Variants in EDARADD observed in about 807,000 individuals in gnomAD.
The protein encoded by EDARADD is EDAR associated via death domain, also known as ectodysplasin-A receptor-associated adapter protein.
A neutral mutation model predicts 25.6 loss-of-function variants in EDARADD; 20 were observed. That is an observed-to-expected ratio of 0.78 (90% CI 0.55 to 1.14). The LOEUF (loss-of-function observed/expected upper bound fraction) is 1.14. EDARADD is among the 50% of genes most tolerant of loss of function. EDARADD has a pLI of 0.00. For missense variants in EDARADD, 225 were observed against 270.1 expected (o/e 0.83, Z 1.17); for synonymous variants, 86 against 94.4 (o/e 0.91, Z 0.52).
intron 5 of EDARADD, among the ~76,000 whole-genome samples, chr1:236,469,929 C>T (rs678807): frequency 0.035 from 5,289 of 151,840 alleles, 219 homozygotes; most frequent in African/African-American, 0.1. Context: ...AGGCTGGTCT[C>T]GAACTCCTGA....
intron 3 of EDARADD, among the ~76,000 whole-genome samples, chr1:236,372,208 G>C (rs1349644168): frequency 6.6e-6 from 1 of 151,900 alleles, no homozygotes; most frequent in Non-Finnish European, 1.5e-5. Flanking sequence ...CACCAGCCTT[G>C]GCCTCCCAAA....
chr1:236,381,315 A>T (rs1307296285), intron 3 of EDARADD, among the ~76,000 whole-genome samples: 2 of 151,468 alleles, frequency 1.3e-5, no homozygotes, highest in Non-Finnish European at 2.9e-5. Context: ...TTTTATTTTT[A>T]TTTTATTTTA....
intron 5 of EDARADD, among the ~76,000 whole-genome samples, chr1:236,470,421 T>A (rs1336327962): frequency 1.3e-5 from 2 of 152,364 alleles, no homozygotes; most frequent in East Asian, 3.9e-4. Context: ...CACACTAATG[T>A]GGCACGTTAG....
rs144687140 is a variant in EDARADD, at chr1:236,394,466, C to G, written c.22C>G (p.Gln8Glu). Residue 8 changes from glutamine to glutamate, a missense_variant, in exon 1 of 6, where the codon CAG (glutamine) becomes GAG (glutamate). Transcript: ENST00000334232. MGLRTTKQMGRGTKAPGH... is the reference protein window; with the variant it reads MGLRTTKEMGRGTKAPGH... ...CGCCATGGGCCTCAGGACGACTAAA[C>G]AGATGGGGAGAGGCACTAAAGCTCC... The G allele has an allele frequency of 6.6e-5, 107 of 1,614,130 alleles. No individual in the cohort carries two copies. The African/African-American group carries it at 1.1e-3, about 16-fold the overall frequency.
intron 5 of EDARADD, among the ~76,000 whole-genome samples, chr1:236,480,130 T>TGTG (rs1659631390): frequency 7.7e-6 from 1 of 130,122 alleles, no homozygotes; most frequent in Admixed American, 7.8e-5. Flanking sequence ...TATATATATA[T>TGTG]ATATATCACA....
chr1:236,368,191 A>G (rs1181648907), intron 3 of EDARADD, among the ~76,000 whole-genome samples: 1 of 152,098 alleles, frequency 6.6e-6, no homozygotes, highest in Non-Finnish European at 1.5e-5. Context: ...TACCTCCAAA[A>G]AGTCATAAAA....
upstream of EDARADD, among the ~76,000 whole-genome samples, chr1:236,390,808 G>A (rs905941645): frequency 6.6e-6 from 1 of 152,006 alleles, no homozygotes. Flanking sequence ...TAGCTTCCTG[G>A]CTTCCTGTTG....
intron 5 of EDARADD, among the ~76,000 whole-genome samples, chr1:236,468,585 A>G (rs887506168): frequency 4.6e-5 from 7 of 152,152 alleles, no homozygotes; most frequent in Admixed American, 1.3e-4. Flanking sequence ...ACACCACTGC[A>G]CTCCAGCCTG....
chr1:236,476,945 T>G (rs1659524624), intron 5 of EDARADD, among the ~76,000 whole-genome samples: 1 of 151,404 alleles, frequency 6.6e-6, no homozygotes, highest in South Asian at 2.1e-4. Flanking sequence ...TGAGCCATAA[T>G]TGCAGCACTG....
intron 1 of EDARADD, among the ~76,000 whole-genome samples, chr1:236,406,631 G>A (rs547090983): frequency 1.3e-5 from 2 of 152,286 alleles, no homozygotes; most frequent in South Asian, 4.1e-4. Context: ...TAATCTTTAT[G>A]GGACCACCAT....
rs116344737 is a variant in EDARADD, at chr1:236,452,215, A to G, written c.220-16016A>G. 5.2e-3 allele frequency among the ~76,000 whole-genome samples: 789 copies of G among 152,250 alleles called. 7 individuals are homozygous for G. The highest frequency in any genetic ancestry group is 0.018 in the African/African-American group (748 of 41,544). On this transcript the variant is annotated intron_variant, in intron 4 of 5. Transcript: ENST00000334232. The stretch of plus-strand genomic sequence containing the variant: ...TTGACGCCCTCATCACTTGGCTTGG[A>G]TGGGGCAGAGAGCAGCCCTGTTTCT...
intron 1 of EDARADD, among the ~76,000 whole-genome samples, chr1:236,400,362 T>C (rs866664731): frequency 3.9e-5 from 6 of 152,122 alleles, no homozygotes; most frequent in Non-Finnish European, 8.8e-5. Context: ...TGTAGGGATG[T>C]ACTTCTGTGA....
intron 4 of EDARADD, among the ~76,000 whole-genome samples, chr1:236,465,073 C>T (rs1659151023): frequency 6.6e-6 from 1 of 152,176 alleles, no homozygotes. Flanking sequence ...CTGTTTTCCC[C>T]AGTGATCGCA....
At chr1:236,400,409 C>T (rs1667593534) in intron 1 of EDARADD, among the ~76,000 whole-genome samples, 4 of 152,194 alleles carry the variant, frequency 2.6e-5, no homozygotes, top group South Asian at 4.1e-4. Flanking sequence ...GCCCCTGCTG[C>T]GGGGTCTGAG....
chr1:236,377,727 G>A (rs1226409048), intron 3 of EDARADD, among the ~76,000 whole-genome samples: 3 of 151,542 alleles, frequency 2.0e-5, no homozygotes, highest in Admixed American at 1.3e-4. Context: ...GCATGGTGGC[G>A]CATGTCTGTA....
At chr1:236,393,945 C>T (rs1667466664), upstream of EDARADD, among the ~76,000 whole-genome samples, 1 of 150,948 alleles carries the variant, frequency 6.6e-6, no homozygotes, top group Non-Finnish European at 1.5e-5. Flanking sequence ...GGAAAGGAGG[C>T]ACGAGGAAAT....
rs1431064422 is a variant in EDARADD at position 236,398,474 on chromosome 1, C to T, written c.61+3969C>T. Among the ~76,000 whole-genome samples the T allele has an allele frequency of 1.3e-5, 2 of 152,252 alleles. No homozygotes were observed. The highest frequency in any genetic ancestry group is 2.9e-5 in the Non-Finnish European group (2 of 68,048). On this transcript the variant is annotated intron_variant, in intron 1 of 5. Transcript: ENST00000334232. The surrounding 1 kb of genome is among the most constrained non-coding windows in gnomAD (Gnocchi z 4.1). ...AATCCGGTGCTGGCTTTCCAACACT[C>T]CGACAGATCCTCAGTCCTTGAGGCT... is the stretch of plus-strand genomic sequence containing the variant.
chr1:236,449,018 G>A (rs1658638097), intron 4 of EDARADD, among the ~76,000 whole-genome samples: 1 of 152,162 alleles, frequency 6.6e-6, no homozygotes, highest in South Asian at 2.1e-4. Flanking sequence ...AGATCAAGGT[G>A]CCAGCAGTGT....
rs1571917431 is a variant in EDARADD, at chr1:236,409,118, T to G, written c.62-98T>G. The G allele has an allele frequency of 7.1e-6, 5 of 708,668 alleles. No homozygotes were observed. The East Asian group carries it at 1.4e-4, about 20-fold the overall frequency. The allele number at this position is 708,668 out of a possible 1,614,324, so 43.9% of individuals were successfully genotyped here. On this transcript the variant is annotated intron_variant, in intron 1 of 5. Transcript: ENST00000334232. ...AAGGTTTTCTTCAGCCTAAGTAAAA[T>G]TACTTGCCTCTGTATAGAGACAGTT...
Sources: allele counts gnomAD v4.1 joint callset (sites outside exome capture counted in the v4.1 genomes callset), GRCh38; gene constraint gnomAD v4.1.1; non-coding constraint Gnocchi (gnomAD v3.1); transcripts MANE v1.5; gene names NCBI Gene and HGNC (gene_info 2026-07-23, HGNC 2026-07-21).